SLC16A7: variants seen among roughly 807,000 people sequenced by gnomAD.
SLC16A7 encodes the protein monocarboxylate transporter 2.
In SLC16A7, 33 loss-of-function variants were observed where a neutral mutation model predicts 34.9. The ratio of observed to expected loss-of-function variants is 0.94; its 90% CI spans 0.72 to 1.26. SLC16A7 has a LOEUF of 1.26. Ranked by LOEUF, SLC16A7 falls within the 50% of genes most tolerant of loss-of-function variation. The pLI is 0.00. For missense variants in SLC16A7, 573 were observed against 578.1 expected (o/e 0.99, Z 0.09); for synonymous variants, 201 against 206.6 (o/e 0.97, Z 0.23).
At chr12:59,632,424 T>G (rs1015455021) in intron 1 of SLC16A7, among the ~76,000 whole-genome samples, 1 of 151,878 alleles carries the variant, frequency 6.6e-6, no homozygotes, top group African/African-American at 2.4e-5. Context: ...ATGGGGGAGG[T>G]TTAGCCCCAT....
intron 2 of SLC16A7, among the ~76,000 whole-genome samples, chr12:59,688,820 T>C (rs1411042878): frequency 1.3e-5 from 2 of 152,036 alleles, no homozygotes; most frequent in Non-Finnish European, 2.9e-5. Context: ...AAAAACTATA[T>C]TTGAATCAGT....
At chr12:59,703,423 A>G (rs900918236) in intron 2 of SLC16A7, among the ~76,000 whole-genome samples, 6 of 152,226 alleles carry the variant, frequency 3.9e-5, no homozygotes, top group African/African-American at 1.2e-4. Context: ...TAAAAAATAA[A>G]CATAAAACAT....
At chr12:59,766,716 T>C (rs1404877737) in intron 3 of SLC16A7, among the ~76,000 whole-genome samples, 2 of 152,228 alleles carry the variant, frequency 1.3e-5, no homozygotes, top group Non-Finnish European at 2.9e-5. Flanking sequence ...TTTGATGTGC[T>C]GCTGGATTCG....
At chr12:59,599,045 G>A (rs1044081908) in intron 1 of SLC16A7, among the ~76,000 whole-genome samples, 1 of 152,158 alleles carries the variant, frequency 6.6e-6, no homozygotes, top group Non-Finnish European at 1.5e-5. Flanking sequence ...GCACCGATGC[G>A]ATCTGTTTGG....
intron 3 of SLC16A7, among the ~76,000 whole-genome samples, chr12:59,711,867 G>T (rs187096995): frequency 7.9e-5 from 12 of 152,292 alleles, no homozygotes; most frequent in Admixed American, 6.5e-4. Context: ...AAGGTACTGG[G>T]ATCTCAAAAT....
At chr12:59,642,345 G>C (rs1331096696) in intron 1 of SLC16A7, among the ~76,000 whole-genome samples, 6 of 151,684 alleles carry the variant, frequency 4.0e-5, no homozygotes, top group Non-Finnish European at 8.8e-5. Flanking sequence ...TTCACCCCAG[G>C]GTGGTTAGAT....
At chr12:59,676,711 T>C (rs536492015) in intron 2 of SLC16A7, among the ~76,000 whole-genome samples, 2 of 152,230 alleles carry the variant, frequency 1.3e-5, no homozygotes, top group East Asian at 3.9e-4. Flanking sequence ...ATGCAAAAAA[T>C]GGAGGGAGTA....
chr12:59,652,801 G>A (rs1868365524), intron 1 of SLC16A7, among the ~76,000 whole-genome samples: 1 of 151,544 alleles, frequency 6.6e-6, no homozygotes, highest in East Asian at 1.9e-4. Context: ...TTATATTAAA[G>A]AAATTATGAA....
At chr12:59,736,432 A>G (rs1052118090) in intron 3 of SLC16A7, among the ~76,000 whole-genome samples, 2 of 152,250 alleles carry the variant, frequency 1.3e-5, no homozygotes, top group Non-Finnish European at 2.9e-5. Context: ...TACTAACTCC[A>G]GCAGCCACTA....
chr12:59,733,915 C>A (rs949471582), intron 3 of SLC16A7: 3 of 438,504 alleles, frequency 6.8e-6, no homozygotes, highest in East Asian at 7.0e-5. Flanking sequence ...AGCTGGTAAT[C>A]CTGACGTCTG....
At chr12:59,602,080 G>A (rs1319052646) in intron 1 of SLC16A7, among the ~76,000 whole-genome samples, 2 of 152,144 alleles carry the variant, frequency 1.3e-5, no homozygotes, top group Non-Finnish European at 2.9e-5. Context: ...AAAACTGTCA[G>A]CCAATAAGAT....
intron 2 of SLC16A7, among the ~76,000 whole-genome samples, chr12:59,659,137 A>G (rs952810397): frequency 1.3e-5 from 2 of 152,054 alleles, no homozygotes; most frequent in Non-Finnish European, 2.9e-5. Context: ...TCTATAATAT[A>G]TGACATTGCT....
intron 2 of SLC16A7, among the ~76,000 whole-genome samples, chr12:59,694,671 C>G (rs1363419731): frequency 6.6e-6 from 1 of 151,866 alleles, no homozygotes; most frequent in Non-Finnish European, 1.5e-5. Context: ...TGACTAATTC[C>G]TCTCCATTTT....
intron 3 of SLC16A7, among the ~76,000 whole-genome samples, chr12:59,764,741 A>T (rs1009392795): frequency 6.6e-6 from 1 of 152,106 alleles, no homozygotes; most frequent in Non-Finnish European, 1.5e-5. Context: ...ATTGTTGGAC[A>T]TTTGGGTTGG....
At chr12:59,669,556 T>A (rs1349784607) in intron 2 of SLC16A7, among the ~76,000 whole-genome samples, 1 of 151,974 alleles carries the variant, frequency 6.6e-6, no homozygotes, top group African/African-American at 2.4e-5. Flanking sequence ...CATTTAACCA[T>A]CAGAAAGTTT....
At chr12:59,716,279 T>G (rs1401096262) in intron 3 of SLC16A7, among the ~76,000 whole-genome samples, 1 of 152,170 alleles carries the variant, frequency 6.6e-6, no homozygotes, top group Admixed American at 6.5e-5. Flanking sequence ...GTATATATTC[T>G]CAGCACCCCA....
In SLC16A7 at chr12:59,729,475, A is replaced by T. The variant is rs185022192; in HGVS notation, c.217+24457A>T. On this transcript the variant is annotated intron_variant, in intron 3 of 5. Coordinates refer to ENST00000547379, the MANE Select transcript of SLC16A7 (RefSeq NM_001270623.2). ...GCCTCATTCTAATTCCCAAATCATT[A>T]TTTTTTGACATTTTCATTCCTATCA... is the stretch of plus-strand genomic sequence containing the variant. Among the ~76,000 whole-genome samples, 85 of 152,144 alleles carry T rather than the reference A, an allele frequency of 5.6e-4. 2 individuals carry two copies. In the East Asian group the frequency reaches 0.016, roughly 28 times the overall value.
chr12:59,680,831 C>T (rs932158474), intron 2 of SLC16A7, among the ~76,000 whole-genome samples: 1 of 152,136 alleles, frequency 6.6e-6, no homozygotes, highest in Non-Finnish European at 1.5e-5. Context: ...TGTAGTTCTT[C>T]TGGCTGTTCA....
chr12:59,768,240 C>A (rs1565711032), intron 3 of SLC16A7: 1 of 454,022 alleles, frequency 2.2e-6, no homozygotes, highest in Non-Finnish European at 4.4e-6. Context: ...GGGAGGAGGT[C>A]AAAATACCAA....
Sources: gnomAD v4.1 joint callset for allele counts (sites outside exome capture counted in the v4.1 genomes callset) on GRCh38, gnomAD v4.1.1 for gene constraint, MANE v1.5 for transcripts, NCBI Gene and HGNC (gene_info 2026-07-23, HGNC 2026-07-21) for gene names.